Variants in MKLN1 observed in about 807,000 individuals in gnomAD.
MKLN1 encodes the protein muskelin 1.
Under a neutral mutation model 99.0 loss-of-function variants are expected in MKLN1, and 18 were observed. That is an observed-to-expected ratio of 0.18 (90% CI 0.13 to 0.27). MKLN1 has a LOEUF of 0.27. Ranked by LOEUF, MKLN1 falls within the 10% of genes least tolerant of loss-of-function variation. The pLI, the probability that MKLN1 is intolerant of heterozygous loss-of-function variation, is 1.00. For synonymous variants in MKLN1, 288 were observed against 293.2 expected, an observed-to-expected ratio of 0.98 and a Z score of 0.18; for missense variants, 621 against 875.9, an observed-to-expected ratio of 0.71 and a Z score of 3.67.
At chr7:131,181,236 C>T (rs1319886133) in intron 2 of MKLN1, among the ~76,000 whole-genome samples, 1 of 152,000 alleles carries the variant, frequency 6.6e-6, no homozygotes, top group Non-Finnish European at 1.5e-5. Flanking sequence ...AGAGGCTTAG[C>T]CTCACATCAG....
chr7:131,266,960 AT>A (rs201858971), intron 3 of MKLN1, among the ~76,000 whole-genome samples: 5 of 149,992 alleles, frequency 3.3e-5, no homozygotes, highest in African/African-American at 4.9e-5. Flanking sequence ...AGGCAATAGA[AT>A]TTTTTTTTTC....
intron 2 of MKLN1, among the ~76,000 whole-genome samples, chr7:131,376,100 A>T (rs1488041588): frequency 1.4e-3 from 1 of 736 alleles, no homozygotes; most frequent in Non-Finnish European, 4.1e-3. Flanking sequence ...ATGGAAATAT[A>T]TATATATATA....
intron 1 of MKLN1, among the ~76,000 whole-genome samples, chr7:131,124,033 C>A (rs1300295247): frequency 2.0e-5 from 3 of 152,194 alleles, no homozygotes; most frequent in Non-Finnish European, 4.4e-5. Flanking sequence ...TGCATCCCAG[C>A]TGCATGACCT....
At chr7:131,286,441 T>C (rs1798133459) in intron 3 of MKLN1, among the ~76,000 whole-genome samples, 1 of 151,280 alleles carries the variant, frequency 6.6e-6, no homozygotes, top group African/African-American at 2.4e-5. Flanking sequence ...TGTAGCTTTG[T>C]TTTTTTTTCC....
intron 12 of MKLN1, among the ~76,000 whole-genome samples, chr7:131,450,336 T>TA (rs1796143003): frequency 6.6e-6 from 1 of 152,234 alleles, no homozygotes; most frequent in Non-Finnish European, 1.5e-5. Flanking sequence ...ATGAGGGCCC[T>TA]ATCTTCATGG....
intron 10 of MKLN1, among the ~76,000 whole-genome samples, chr7:131,441,798 G>A (rs1233076505): frequency 6.6e-6 from 1 of 152,156 alleles, no homozygotes; most frequent in Non-Finnish European, 1.5e-5. Flanking sequence ...GAAAGGTAGG[G>A]GGTTGGTAAC....
At chr7:131,194,101 C>T (rs957902632) in intron 2 of MKLN1, among the ~76,000 whole-genome samples, 17 of 151,646 alleles carry the variant, frequency 1.1e-4, no homozygotes, top group East Asian at 7.8e-4. Flanking sequence ...CCATCCACCT[C>T]GGCCTCTCAA....
At chr7:131,305,718 C>A (rs1798454548) in intron 3 of MKLN1, among the ~76,000 whole-genome samples, 1 of 152,106 alleles carries the variant, frequency 6.6e-6, no homozygotes. Flanking sequence ...TTTGCCCCAC[C>A]AGAATATTAG....
At chr7:131,232,702 T>A (rs1016669570) in intron 3 of MKLN1, among the ~76,000 whole-genome samples, 4 of 152,162 alleles carry the variant, frequency 2.6e-5, no homozygotes, top group Non-Finnish European at 4.4e-5. Context: ...AATACATTTT[T>A]AGTACATACA....
At chr7:131,202,014 A>T (rs1382694224) in intron 2 of MKLN1, among the ~76,000 whole-genome samples, 1 of 152,210 alleles carries the variant, frequency 6.6e-6, no homozygotes, top group African/African-American at 2.4e-5. Flanking sequence ...CACAAATTTA[A>T]AATGACTAGG....
At chr7:131,400,557 A>C (rs1380920589) in intron 6 of MKLN1, among the ~76,000 whole-genome samples, 1 of 146,078 alleles carries the variant, frequency 6.8e-6, no homozygotes, top group African/African-American at 2.6e-5. Context: ...TCTAGGAGTG[A>C]ATTCTGTGGG....
intron 10 of MKLN1, among the ~76,000 whole-genome samples, chr7:131,442,108 G>A (rs914762344): frequency 2.0e-5 from 3 of 152,124 alleles, no homozygotes; most frequent in Non-Finnish European, 2.9e-5. Context: ...TTCACCCTTG[G>A]GGAATAGATT....
intron 2 of MKLN1, among the ~76,000 whole-genome samples, chr7:131,153,519 C>T (rs1466067260): frequency 6.6e-6 from 1 of 151,910 alleles, no homozygotes; most frequent in Non-Finnish European, 1.5e-5. Flanking sequence ...ACATATAATA[C>T]AAAACCTTAG....
chr7:131,251,282 A>G (rs1797574562), intron 3 of MKLN1, among the ~76,000 whole-genome samples: 1 of 152,206 alleles, frequency 6.6e-6, no homozygotes, highest in African/African-American at 2.4e-5. Flanking sequence ...TTGAGCACCA[A>G]AGATATTAAA....
intron 2 of MKLN1, among the ~76,000 whole-genome samples, chr7:131,164,305 T>A (rs1277295994): frequency 6.6e-6 from 1 of 152,120 alleles, no homozygotes; most frequent in East Asian, 1.9e-4. Context: ...GGTAGAGATG[T>A]GGTCTCACTA....
chr7:131,156,478 G>A (rs955748262), intron 2 of MKLN1, among the ~76,000 whole-genome samples: 26 of 144,688 alleles, frequency 1.8e-4, no homozygotes, highest in African/African-American at 6.1e-4. Context: ...AAAGAAAAGT[G>A]ACAGGCATTC....
intron 1 of MKLN1, among the ~76,000 whole-genome samples, chr7:131,354,522 G>T (rs1343915747): frequency 7.0e-6 from 1 of 142,502 alleles, no homozygotes; most frequent in Admixed American, 7.0e-5. Flanking sequence ...TGTGGGGGGG[G>T]GCGTAAATCT....
chr7:131,200,075 A>G (rs1796705203), intron 2 of MKLN1, among the ~76,000 whole-genome samples: 1 of 151,750 alleles, frequency 6.6e-6, no homozygotes, highest in South Asian at 2.1e-4. Context: ...CAGTAGCACC[A>G]TCTCAGCTCT....
Position 131,443,469 on chromosome 7 carries a change from T to C in MKLN1, c.1174-12T>C. ...AACTAAAACTATTCAATCTGTTGCC[T>C]TGTTCTGATAGATGTGTATGGACTC... is the stretch of plus-strand genomic sequence containing the variant. On this transcript the variant is annotated splice_polypyrimidine_tract_variant and intron_variant, in intron 10 of 17. Coordinates refer to ENST00000352689, the MANE Select transcript of MKLN1 (RefSeq NM_013255.5). The C allele has an allele frequency of 6.3e-7, 1 of 1,580,300 alleles. No individual in the cohort carries two copies.
Sources: allele counts gnomAD v4.1 joint callset (sites outside exome capture counted in the v4.1 genomes callset), GRCh38; gene constraint gnomAD v4.1.1; transcripts MANE v1.5; gene names NCBI Gene and HGNC (gene_info 2026-07-23, HGNC 2026-07-21).